Variants in GLT1D1 observed in about 807,000 individuals in gnomAD.
GLT1D1 encodes glycosyltransferase 1 domain-containing protein 1.
Under a neutral mutation model 28.7 loss-of-function variants are expected in GLT1D1, and 21 were observed. The observed-to-expected ratio is 0.73, with a 90% confidence interval of 0.52 to 1.05. GLT1D1 has a LOEUF of 1.05. Among genes scored for constraint, GLT1D1 ranks in the 50% least tolerant of loss-of-function variants. The probability of loss-of-function intolerance (pLI) is 0.00; values close to 1 mark genes in which losing one functional copy is unlikely to be tolerated. For synonymous variants in GLT1D1, 147 were observed against 124.8 expected (o/e 1.18, Z -1.19); for missense variants, 343 against 330.6 (o/e 1.04, Z -0.29).
chr12:128,909,593 C>T (rs1022414900), intron 4 of GLT1D1, among the ~76,000 whole-genome samples: 3 of 152,058 alleles, frequency 2.0e-5, no homozygotes, highest in Admixed American at 2.0e-4. Flanking sequence ...AAAATTGTGC[C>T]TGTATTTCAA....
Position 128,879,362 on chromosome 12 carries a change from CTTATTATT to C in GLT1D1, c.217+3303_217+3310del, listed in dbSNP as rs1466635603. On this transcript the variant is annotated intron_variant, in intron 2 of 7. Transcript: ENST00000281703. Reference sequence around the variant, plus strand: ...TTGTGTCATTTTCTGTAAAGTGATACTTATTATTTTTTTCTTTTTCTTTCTTTCTTTCT... The same window carrying C: ...TTGTGTCATTTTCTGTAAAGTGATACTTTTTCTTTTTCTTTCTTTCTTTCT... Among the ~76,000 whole-genome samples, 86 of 140,562 alleles carry C rather than the reference CTTATTATT, an allele frequency of 6.1e-4. 5 individuals carry two copies. The highest frequency in any genetic ancestry group is 2.2e-3 in the African/African-American group (77 of 35,242). The allele number at this position is 140,562 out of a possible 152,430, so 92.2% of individuals were successfully genotyped here.
rs1868665753 is a variant in GLT1D1, at chr12:128,888,623, T to G, written c.218-16T>G. The G allele has an allele frequency of 6.4e-7, 1 of 1,562,016 alleles. No homozygotes were observed. Among genetic ancestry groups the G allele is most frequent in the Non-Finnish European group, 8.8e-7 (1 of 1,134,940 alleles). ...TTAGGGCTAAATTCTGCTTTGTGAC[T>G]GTCATCGTTTTGCAGGCCACCGAAT... On this transcript the variant is annotated splice_polypyrimidine_tract_variant and intron_variant, in intron 2 of 7. Transcript: ENST00000281703.
At chr12:128,966,531 T>A (rs1263042878) in intron 7 of GLT1D1, among the ~76,000 whole-genome samples, 1 of 152,148 alleles carries the variant, frequency 6.6e-6, no homozygotes, top group Non-Finnish European at 1.5e-5. Flanking sequence ...CTCCTCAGAC[T>A]GTTAGATCCA....
intron 1 of GLT1D1, chr12:128,864,161 G>A: frequency 1.5e-6 from 1 of 686,868 alleles, no homozygotes; most frequent in Admixed American, 2.1e-5. Flanking sequence ...ACTGCGAGGT[G>A]CCTGTCAGAC....
rs527673304 is a variant in GLT1D1 at position 128,868,668 on chromosome 12, C to T, written c.69-7246C>T. 3.9e-5 allele frequency among the ~76,000 whole-genome samples: 6 copies of T among 152,226 alleles called. No individual in the cohort carries two copies. The East Asian group carries it at 7.7e-4, about 20-fold the overall frequency. On this transcript the variant is annotated intron_variant, in intron 1 of 7. Coordinates refer to ENST00000281703, the MANE Select transcript of GLT1D1 (RefSeq NM_144669.3). The stretch of plus-strand genomic sequence containing the variant: ...GACCTTGTAGCAGTGAGTAGCTCCT[C>T]GATCAGCTGGGTGCCGACTGCCAGA...
intron 6 of GLT1D1, among the ~76,000 whole-genome samples, chr12:128,956,520 C>T (rs1012298956): frequency 1.3e-5 from 2 of 152,132 alleles, no homozygotes; most frequent in African/African-American, 4.8e-5. Context: ...TCCTGTTTCC[C>T]GATGACCTTT....
chr12:128,870,968 C>A (rs1330323716), intron 1 of GLT1D1, among the ~76,000 whole-genome samples: 1 of 152,062 alleles, frequency 6.6e-6, no homozygotes, highest in Non-Finnish European at 1.5e-5. Context: ...TCCAGCCTGG[C>A]CCACAGAGCA....
chr12:128,980,936 C>G (rs543177857), intron 7 of GLT1D1, among the ~76,000 whole-genome samples: 1 of 152,184 alleles, frequency 6.6e-6, no homozygotes, highest in Non-Finnish European at 1.5e-5. Flanking sequence ...AAACCATCTT[C>G]GCTGGTAAGC....
chr12:128,958,014 C>T (rs1415119332), intron 7 of GLT1D1, among the ~76,000 whole-genome samples: 1 of 152,264 alleles, frequency 6.6e-6, no homozygotes, highest in Non-Finnish European at 1.5e-5. Context: ...ACTTTTCATT[C>T]CTTGAAACAA....
intron 7 of GLT1D1, among the ~76,000 whole-genome samples, chr12:128,982,281 C>G (rs544517654): frequency 4.6e-5 from 7 of 152,304 alleles, no homozygotes; most frequent in African/African-American, 1.7e-4. Flanking sequence ...CATCACTCCT[C>G]TACAGATGGG....
At chr12:128,888,817 C>T (rs146465824) in intron 3 of GLT1D1, 73 bp downstream of exon 3, 42 of 983,624 alleles carry the variant, frequency 4.3e-5, no homozygotes, top group Non-Finnish European at 5.9e-5. Context: ...AACCAAAGAC[C>T]GAGGGCACCA....
At chr12:128,869,953 T>G (rs2135781871) in intron 1 of GLT1D1, among the ~76,000 whole-genome samples, 1 of 151,862 alleles carries the variant, frequency 6.6e-6, no homozygotes, top group Admixed American at 6.6e-5. Context: ...TTTTTTTTTT[T>G]TTTGAGGCAG....
chr12:128,908,943 CG>C, intron 4 of GLT1D1, among the ~76,000 whole-genome samples: 1 of 150,272 alleles, frequency 6.7e-6, no homozygotes, highest in East Asian at 2.0e-4. Context: ...AGCGAGACTC[CG>C]TCTCAAAAAT....
intron 7 of GLT1D1, among the ~76,000 whole-genome samples, chr12:128,971,431 C>G (rs1375751168): frequency 8.1e-6 from 1 of 124,116 alleles, no homozygotes; most frequent in Admixed American, 8.2e-5. Flanking sequence ...CCTTCCTCTC[C>G]TCCTCCCTCC....
At chr12:128,909,174 A>T (rs1871273593) in intron 4 of GLT1D1, among the ~76,000 whole-genome samples, 1 of 151,844 alleles carries the variant, frequency 6.6e-6, no homozygotes, top group South Asian at 2.1e-4. Flanking sequence ...GTGTCTGGAC[A>T]TTTTTTTTCT....
At chr12:128,859,481 C>G (rs1956306048) in intron 1 of GLT1D1, among the ~76,000 whole-genome samples, 1 of 152,180 alleles carries the variant, frequency 6.6e-6, no homozygotes. Flanking sequence ...GCTGTCACCA[C>G]TAGTGTTGGG....
chr12:128,858,202 C>T (rs1956270929), intron 1 of GLT1D1, among the ~76,000 whole-genome samples: 1 of 152,104 alleles, frequency 6.6e-6, no homozygotes, highest in Non-Finnish European at 1.5e-5. Flanking sequence ...CCATAAAATC[C>T]CATCAGATGG....
At chr12:128,918,896 T>G in intron 4 of GLT1D1, among the ~76,000 whole-genome samples, 1 of 152,216 alleles carries the variant, frequency 6.6e-6, no homozygotes. Context: ...AGCCAGGAGA[T>G]TTTAAACACT....
chr12:128,867,600 C>G, intron 1 of GLT1D1, among the ~76,000 whole-genome samples: 1 of 152,106 alleles, frequency 6.6e-6, no homozygotes, highest in East Asian at 1.9e-4. Context: ...GGGATCCCAT[C>G]TCACAGATCT....
Sources: allele counts gnomAD v4.1 joint callset (sites outside exome capture counted in the v4.1 genomes callset), GRCh38; gene constraint gnomAD v4.1.1; transcripts MANE v1.5; gene names NCBI Gene and HGNC (gene_info 2026-07-23, HGNC 2026-07-21).